DCUN1D4: variants seen among roughly 807,000 people sequenced by gnomAD.
The protein encoded by DCUN1D4 is DCN1-like protein 4.
Under a neutral mutation model 47.9 loss-of-function variants are expected in DCUN1D4, and 22 were observed. The ratio of observed to expected loss-of-function variants is 0.46; its 90% CI spans 0.33 to 0.66. DCUN1D4 has a LOEUF of 0.66. Among genes scored for constraint, DCUN1D4 ranks in the 30% least tolerant of loss-of-function variants. DCUN1D4 has a pLI of 0.02. For synonymous variants in DCUN1D4, 121 were observed against 112.2 expected (o/e 1.08, Z -0.50); for missense variants, 301 against 340.8 (o/e 0.88, Z 0.92).
chr4:51,887,162 A>G (rs947681455), intron 6 of DCUN1D4: 5 of 445,968 alleles, frequency 1.1e-5, no homozygotes, highest in Admixed American at 4.9e-5. Flanking sequence ...GTGCAATGGT[A>G]TGATGTCGGC....
chr4:51,866,341 T>C (rs1429868831), intron 3 of DCUN1D4, among the ~76,000 whole-genome samples: 1 of 152,210 alleles, frequency 6.6e-6, no homozygotes, highest in African/African-American at 2.4e-5. Context: ...CGTTTGACTT[T>C]CCAGAGGTAA....
chr4:51,904,233 A>AT (rs1019558184), intron 8 of DCUN1D4, among the ~76,000 whole-genome samples: 4 of 151,790 alleles, frequency 2.6e-5, no homozygotes, highest in African/African-American at 7.3e-5. Context: ...CTAAGGCAAT[A>AT]TTTTTTTTGA....
chr4:51,843,065 G>T, upstream of DCUN1D4: 2 of 1,388,404 alleles, frequency 1.4e-6, no homozygotes, highest in South Asian at 3.2e-5. Flanking sequence ...TGTCAAATGA[G>T]AGACGCAGCA....
chr4:51,907,968 G>GT (rs544443773), intron 8 of DCUN1D4, among the ~76,000 whole-genome samples: 127 of 152,284 alleles, frequency 8.3e-4, no homozygotes, highest in African/African-American at 2.9e-3. Flanking sequence ...AAAGGCACTG[G>GT]TTTTTTATTT....
chr4:51,838,783 G>C (rs1344810397), upstream of DCUN1D4, among the ~76,000 whole-genome samples: 2 of 152,114 alleles, frequency 1.3e-5, no homozygotes, highest in Non-Finnish European at 2.9e-5. Context: ...TGATTAAAAA[G>C]AGAAGGAACT....
At chr4:51,893,745 A>G (rs1027795168) in intron 7 of DCUN1D4, among the ~76,000 whole-genome samples, 1 of 152,166 alleles carries the variant, frequency 6.6e-6, no homozygotes, top group Admixed American at 6.5e-5. Context: ...AGAGCAGCCG[A>G]TGGCTGCTTT....
intron 3 of DCUN1D4, among the ~76,000 whole-genome samples, chr4:51,871,130 A>AT (rs1490266053): frequency 2.5e-5 from 3 of 119,028 alleles, no homozygotes; most frequent in Non-Finnish European, 4.8e-5. Flanking sequence ...GAGTGGAGAG[A>AT]TTAAAAAAAA....
intron 2 of DCUN1D4, 29 bp from the exon 3 acceptor site, chr4:51,863,641 C>G: frequency 6.2e-7 from 1 of 1,610,312 alleles, no homozygotes; most frequent in Non-Finnish European, 8.5e-7. Context: ...TATGTGATTT[C>G]TTCGTAATAA....
intron 7 of DCUN1D4, among the ~76,000 whole-genome samples, chr4:51,894,144 A>G (rs192062500): frequency 6.6e-6 from 1 of 152,242 alleles, no homozygotes; most frequent in East Asian, 1.9e-4. Flanking sequence ...TTCAGGGTTT[A>G]GTGACAAGCC....
rs1721869505 is a variant in DCUN1D4 at position 51,843,210 on chromosome 4, C to T, written c.-33C>T. 6.5e-7 allele frequency: 1 copy of T among 1,539,652 alleles called. No homozygotes were observed. Among genetic ancestry groups the T allele is most frequent in the Non-Finnish European group, 8.7e-7 (1 of 1,143,092 alleles). ...GGGACCGCGAGGCGAGCGCGGGAGC[C>T]TGGGCGGCGAGCCGGGTGTGAGCTG... On this transcript the variant is annotated 5_prime_UTR_variant, in exon 1 of 11. Coordinates refer to ENST00000334635, the MANE Select transcript of DCUN1D4 (RefSeq NM_001040402.3).
chr4:51,886,431 C>T (rs902330163), intron 5 of DCUN1D4, 137 bp from the exon 6 acceptor site: 21 of 623,480 alleles, frequency 3.4e-5, no homozygotes, highest in Non-Finnish European at 5.3e-5. Context: ...GAATACTTTT[C>T]AACTTAGACT....
At chr4:51,891,910 C>A in intron 7 of DCUN1D4, 59 bp downstream of exon 7, 1 of 1,288,540 alleles carries the variant, frequency 7.8e-7, no homozygotes, top group Non-Finnish European at 1.1e-6. Flanking sequence ...TGCCTCCTTC[C>A]TCCCTAGGAC....
chr4:51,898,461 G>A lies in DCUN1D4; in HGVS notation c.507-809G>A, dbSNP rs939941491. Among the ~76,000 whole-genome samples, 6 of 152,318 alleles carry A rather than the reference G, an allele frequency of 3.9e-5. No homozygotes were observed. The East Asian group carries it at 1.2e-3, about 29-fold the overall frequency. On this transcript the variant is annotated intron_variant, in intron 7 of 10. Coordinates refer to ENST00000334635, the MANE Select transcript of DCUN1D4 (RefSeq NM_001040402.3). ...GAGGAAAATAGGAAGTTTAAGTGGT[G>A]TACAATACACATTGAGTGAAATGTT...
At chr4:51,861,158 A>G (rs1724993792) in intron 1 of DCUN1D4, among the ~76,000 whole-genome samples, 2 of 152,370 alleles carry the variant, frequency 1.3e-5, no homozygotes, top group African/African-American at 2.4e-5. Context: ...CTCACTTTAC[A>G]GATGAGAAAA....
At chr4:51,854,883 A>T (rs138077025) in intron 1 of DCUN1D4, among the ~76,000 whole-genome samples, 4 of 152,204 alleles carry the variant, frequency 2.6e-5, no homozygotes, top group Non-Finnish European at 5.9e-5. Context: ...CTGACATGAC[A>T]CTTAGAGGAA....
intron 4 of DCUN1D4, among the ~76,000 whole-genome samples, chr4:51,876,291 A>G (rs1053390550): frequency 7.2e-5 from 11 of 152,138 alleles, no homozygotes; most frequent in African/African-American, 2.7e-4. Flanking sequence ...GCTGGAAACC[A>G]TCATTCTCAG....
chr4:51,899,023 A>C (rs1040414495), intron 7 of DCUN1D4, among the ~76,000 whole-genome samples: 21 of 152,330 alleles, frequency 1.4e-4, no homozygotes, highest in African/African-American at 5.1e-4. Context: ...TATATGAGAG[A>C]GAGTACATAA....
intron 1 of DCUN1D4, among the ~76,000 whole-genome samples, chr4:51,856,457 A>G (rs1411139037): frequency 6.6e-6 from 1 of 152,164 alleles, no homozygotes; most frequent in Non-Finnish European, 1.5e-5. Context: ...CCAGTTTTAA[A>G]ATTTTTTTCT....
chr4:51,844,873 C>T (rs1722266742), intron 1 of DCUN1D4: 1 of 985,352 alleles, frequency 1.0e-6, no homozygotes, highest in Non-Finnish European at 1.2e-6. Flanking sequence ...GCCCTTGGAG[C>T]CTTCCTGCTC....
Sources: gnomAD v4.1 joint callset for allele counts (sites outside exome capture counted in the v4.1 genomes callset) on GRCh38, gnomAD v4.1.1 for gene constraint, MANE v1.5 for transcripts, NCBI Gene and HGNC (gene_info 2026-07-23, HGNC 2026-07-21) for gene names.